Variants in PSPH observed in about 807,000 individuals in gnomAD.
The protein encoded by PSPH is L-3-phosphoserine phosphatase.
A neutral mutation model predicts 23.4 loss-of-function variants in PSPH; 16 were observed. The observed-to-expected ratio is 0.68, with a 90% confidence interval of 0.46 to 1.04. PSPH has a LOEUF of 1.04. PSPH is among the 50% of genes least tolerant of loss of function. PSPH has a pLI of 0.00. For missense variants in PSPH, 223 were observed against 273.7 expected (o/e 0.81, Z 1.31); for synonymous variants, 68 against 99.7 (o/e 0.68, Z 1.89).
rs540713156 is a variant in PSPH, at chr7:56,024,220, T to C, written c.-19-2989A>G. ...GTGAGCCACCGCGCCCGGCCTACTT[T>C]ACTTTTTTTGAGACAGGATCTCATT... On this transcript the variant is annotated intron_variant, in intron 3 of 7. Coordinates refer to ENST00000275605, the MANE Select transcript of PSPH (RefSeq NM_004577.4). Among the ~76,000 whole-genome samples, 7 of 152,038 alleles carry C rather than the reference T, an allele frequency of 4.6e-5. No individual in the cohort carries two copies. The South Asian group carries it at 8.3e-4, about 18-fold the overall frequency.
chr7:56,035,541 G>A (rs1467256690), intron 1 of PSPH, among the ~76,000 whole-genome samples: 9 of 151,930 alleles, frequency 5.9e-5, no homozygotes, highest in East Asian at 1.9e-4. Flanking sequence ...GCTCACCCAC[G>A]CAGAGGATGC....
rs1421490372 is a variant in PSPH, at chr7:56,031,953, G to A, written c.-44C>T. The A allele has an allele frequency of 2.0e-5, 3 of 153,248 alleles. No individual in the cohort carries two copies. The highest frequency in any genetic ancestry group is 2.9e-5 in the Non-Finnish European group (2 of 68,036). 9.5% of individuals were successfully genotyped at this position (153,248 alleles called of 1,614,324 possible). A position where few individuals can be genotyped will look rare whatever the true frequency, so the allele number is the denominator to read the frequency against. ...CGTTTCTCCAGTGCTAGATTTCTAG[G>A]AGACGACACTCTTCTGTTCCTTCCC... is the stretch of plus-strand genomic sequence containing the variant. On this transcript the variant is annotated 5_prime_UTR_variant, in exon 3 of 8. Transcript: ENST00000275605.
At chr7:56,025,927 T>TTTTA (rs1790129328) in intron 3 of PSPH, among the ~76,000 whole-genome samples, 1 of 152,008 alleles carries the variant, frequency 6.6e-6, no homozygotes, top group African/African-American at 2.4e-5. Flanking sequence ...CTCTACACCA[T>TTTTA]TTCAAATGCT....
intron 1 of PSPH, among the ~76,000 whole-genome samples, chr7:56,035,808 T>C (rs974441423): frequency 2.0e-5 from 3 of 151,890 alleles, no homozygotes; most frequent in African/African-American, 4.8e-5. Context: ...TTAGTAGAGA[T>C]GGGGTTTCAC....
intron 1 of PSPH, chr7:56,043,251 AGAGT>A (rs1171115188): frequency 6.6e-6 from 1 of 150,600 alleles, no homozygotes; most frequent in Non-Finnish European, 1.5e-5. Flanking sequence ...CCTGGGCGAT[AGAGT>A]GAGACTCTAT....
At position 56,021,202 on chromosome 7, in the gene PSPH, T is replaced by A; in HGVS notation, c.11A>T (p.His4Leu). MVS[H>L]SELRKLFYSA... ...GTAGAAAAGCTTCCTCAGCTCTGAG[T>A]GGGAGACCATCGCTGGAAGAATTTT... Residue 4 changes from histidine (H) to leucine (L), a missense_variant, in exon 4 of 8, where the codon CAC becomes CTC. Coordinates refer to ENST00000275605, the MANE Select transcript of PSPH (RefSeq NM_004577.4). 1 of 1,614,194 alleles carries A rather than the reference T, an allele frequency of 6.2e-7. No homozygotes were observed. Among genetic ancestry groups the A allele is most frequent in the Non-Finnish European group, 8.5e-7 (1 of 1,180,002 alleles).
At chr7:56,034,767 T>C (rs1041974646) in intron 1 of PSPH, among the ~76,000 whole-genome samples, 10 of 151,880 alleles carry the variant, frequency 6.6e-5, no homozygotes, top group Non-Finnish European at 1.0e-4. Context: ...CCGCCCGCCT[T>C]GGCCTCCCAA....
At chr7:56,035,628 T>G (rs1002203500) in intron 1 of PSPH, among the ~76,000 whole-genome samples, 6 of 151,794 alleles carry the variant, frequency 4.0e-5, no homozygotes, top group African/African-American at 1.5e-4. Context: ...ACACAATTTT[T>G]TTTTCCCCCG....
At chr7:56,037,173 C>CAA (rs35759842) in intron 1 of PSPH, among the ~76,000 whole-genome samples, 5,006 of 83,024 alleles carry the variant, frequency 0.06, 268 homozygotes, top group African/African-American at 0.19. Context: ...GACTCTGTCT[C>CAA]AAAAAAAAAA....
chr7:56,037,706 A>ATT (rs71015167), intron 1 of PSPH, among the ~76,000 whole-genome samples: 2,689 of 115,012 alleles, frequency 0.023, 60 homozygotes, highest in Admixed American at 0.036. Flanking sequence ...AAGCTAACAA[A>ATT]TTTTTTTTTT....
chr7:56,020,931 G>A, intron 4 of PSPH, 142 bp downstream of exon 4: 1 of 905,826 alleles, frequency 1.1e-6, no homozygotes, highest in African/African-American at 1.7e-5. Flanking sequence ...ATAAATGAAT[G>A]AATATGTCAA....
intron 1 of PSPH, among the ~76,000 whole-genome samples, chr7:56,043,963 TA>T (rs1259602699): frequency 2.0e-5 from 3 of 152,096 alleles, no homozygotes; most frequent in African/African-American, 4.8e-5. Context: ...CCCATGAGAA[TA>T]TTTTTTTTTT....
chr7:56,035,500 G>A (rs1562817959), intron 1 of PSPH, among the ~76,000 whole-genome samples: 1 of 152,074 alleles, frequency 6.6e-6, no homozygotes, highest in Non-Finnish European at 1.5e-5. Flanking sequence ...CTCAAAGGCT[G>A]ACAGTCTGCA....
intron 3 of PSPH, among the ~76,000 whole-genome samples, chr7:56,023,089 C>T (rs1207590219): frequency 6.6e-6 from 1 of 151,680 alleles, no homozygotes; most frequent in Non-Finnish European, 1.5e-5. Flanking sequence ...AAAATAAAGT[C>T]CAGGGAGAAT....
intron 1 of PSPH, among the ~76,000 whole-genome samples, chr7:56,047,721 C>T (rs1793442507): frequency 6.7e-6 from 1 of 150,048 alleles, no homozygotes; most frequent in Non-Finnish European, 1.5e-5. Flanking sequence ...GGCTGGAGTG[C>T]AGTGGCGTGA....
intron 3 of PSPH, among the ~76,000 whole-genome samples, chr7:56,024,136 C>T (rs191022143): frequency 0.084 from 12,686 of 151,826 alleles, 743 homozygotes; most frequent in Non-Finnish European, 0.13. Flanking sequence ...ACCGTGGTCT[C>T]GATCTCCTGA....
At chr7:56,035,373 C>G (rs1033600241) in intron 1 of PSPH, among the ~76,000 whole-genome samples, 1 of 152,084 alleles carries the variant, frequency 6.6e-6, no homozygotes, top group Non-Finnish European at 1.5e-5. Flanking sequence ...GTGTCACTTG[C>G]CCAGCTCCTT....
At chr7:56,045,363 G>A (rs950752228) in intron 1 of PSPH, among the ~76,000 whole-genome samples, 1 of 151,482 alleles carries the variant, frequency 6.6e-6, no homozygotes, top group Non-Finnish European at 1.5e-5. Context: ...AATTAGCCAG[G>A]CATGATGGTG....
At chr7:56,037,904 G>A (rs1446045277) in intron 1 of PSPH, among the ~76,000 whole-genome samples, 1 of 150,864 alleles carries the variant, frequency 6.6e-6, no homozygotes, top group African/African-American at 2.4e-5. Context: ...GTACAGACGG[G>A]GTTTCACCAT....
Sources: allele counts gnomAD v4.1 joint callset (sites outside exome capture counted in the v4.1 genomes callset), GRCh38; gene constraint gnomAD v4.1.1; transcripts MANE v1.5; gene names NCBI Gene and HGNC (gene_info 2026-07-23, HGNC 2026-07-21).